CD300LF: variants seen among roughly 807,000 people sequenced by gnomAD.
CD300LF encodes the protein CMRF35-like molecule 1.
In CD300LF, 27 loss-of-function variants were observed where a neutral mutation model predicts 32.2. The observed-to-expected ratio is 0.84, with a 90% CI of 0.62 to 1.15. The LOEUF (loss-of-function observed/expected upper bound fraction) is 1.15. CD300LF is among the 50% of genes most tolerant of loss of function. The pLI is 0.00. For synonymous variants in CD300LF, 139 were observed against 143.2 expected (o/e 0.97, Z 0.21); for missense variants, 348 against 356.8 (o/e 0.98, Z 0.20).
At chr17:74,695,326 G>A (rs2032332777) in intron 6 of CD300LF, 75 bp from the exon 7 acceptor site, 2 of 1,555,456 alleles carry the variant, frequency 1.3e-6, no homozygotes, top group Admixed American at 3.6e-5. Flanking sequence ...GCCCTCGGAG[G>A]AGGATAGTGG....
intron 1 of CD300LF, among the ~76,000 whole-genome samples, chr17:74,712,600 C>T (rs2034050599): frequency 6.6e-6 from 1 of 152,190 alleles, no homozygotes; most frequent in South Asian, 2.1e-4. Context: ...ATGATCAGCC[C>T]CTGGGGGTCA....
At chr17:74,708,965 C>G (rs985467138) in intron 1 of CD300LF, among the ~76,000 whole-genome samples, 1 of 150,510 alleles carries the variant, frequency 6.6e-6, no homozygotes, top group Non-Finnish European at 1.5e-5. Flanking sequence ...TGGTTTACAC[C>G]TGCAATCCCA....
chr17:74,705,036 T>C (rs1412027235), intron 1 of CD300LF, among the ~76,000 whole-genome samples: 1 of 152,058 alleles, frequency 6.6e-6, no homozygotes, highest in Non-Finnish European at 1.5e-5. Context: ...CCCCCAAAAA[T>C]AAAAATATTG....
chr17:74,708,388 T>C (rs1032835463), intron 1 of CD300LF, among the ~76,000 whole-genome samples: 2 of 152,088 alleles, frequency 1.3e-5, no homozygotes, highest in Non-Finnish European at 2.9e-5. Flanking sequence ...TTCCAGAGCA[T>C]AGAAAAAGAA....
chr17:74,700,895 T>C (rs1207787455), intron 3 of CD300LF, among the ~76,000 whole-genome samples: 1 of 150,606 alleles, frequency 6.6e-6, no homozygotes, highest in Non-Finnish European at 1.5e-5. Flanking sequence ...TTTAAAGAGG[T>C]GATTGAGGTT....
intron 4 of CD300LF, 57 bp from the exon 5 acceptor site, chr17:74,696,274 C>A: frequency 6.4e-7 from 1 of 1,552,316 alleles, no homozygotes; most frequent in Admixed American, 2.0e-5. Context: ...CTCACAAGAA[C>A]CCCCAGGTCT....
intron 1 of CD300LF, chr17:74,705,203 C>G (rs1369842827): frequency 1.4e-6 from 1 of 702,046 alleles, no homozygotes; most frequent in East Asian, 2.7e-5. Context: ...CAGGGTCTTA[C>G]CTTGACTCTT....
rs1311894793 is a variant in CD300LF at position 74,698,493 on chromosome 17, G to A, written c.447-12C>T. 6 of 1,608,730 alleles carry A rather than the reference G, an allele frequency of 3.7e-6. No individual in the cohort carries two copies. The African/African-American group carries it at 6.7e-5, about 18-fold the overall frequency. ...TCAGGAGCTTGTGCCTAGAAACAATGGCAAGCGTCCCCTGCATCCCAGGCT... is the reference window on the plus strand; with the variant it reads ...TCAGGAGCTTGTGCCTAGAAACAATAGCAAGCGTCCCCTGCATCCCAGGCT... On this transcript the variant is annotated splice_polypyrimidine_tract_variant and intron_variant, in intron 3 of 6. Transcript: ENST00000326165.
In CD300LF at chr17:74,694,745, T is replaced by G; in HGVS notation, c.*351A>C. ...GGGGGCCATTATTCAGCCCATAACA[T>G]GTGGTAGGCAATAAATAAAGGTTCA... On this transcript the variant is annotated 3_prime_UTR_variant, in exon 7 of 7. Coordinates refer to ENST00000326165, the MANE Select transcript of CD300LF (RefSeq NM_139018.5). The G allele has an allele frequency of 3.3e-5, 6 of 182,158 alleles. No individual in the cohort carries two copies. Among genetic ancestry groups the G allele is most frequent in the Non-Finnish European group, 5.7e-5 (5 of 87,466 alleles). The allele number at this position is 182,158 out of a possible 1,614,324, so 11.3% of individuals were successfully genotyped here.
intron 4 of CD300LF, 83 bp from the exon 5 acceptor site, chr17:74,696,300 G>T (rs1345736673): frequency 6.9e-7 from 1 of 1,444,994 alleles, no homozygotes; most frequent in African/African-American, 1.4e-5. Context: ...AGAGAAATAT[G>T]GAAGAAAAGA....
chr17:74,710,720 A>G (rs1047191225), intron 1 of CD300LF, among the ~76,000 whole-genome samples: 3 of 151,404 alleles, frequency 2.0e-5, no homozygotes, highest in Non-Finnish European at 4.4e-5. Flanking sequence ...AAAAAAAAAA[A>G]TAGCCAGGCA....
chr17:74,701,627 G>A (rs1029215276), intron 3 of CD300LF, among the ~76,000 whole-genome samples: 2 of 152,148 alleles, frequency 1.3e-5, no homozygotes, highest in African/African-American at 2.4e-5. Context: ...GGAGGCTGAG[G>A]TGGGCAAATC....
chr17:74,695,626 G>A, intron 6 of CD300LF, 99 bp downstream of exon 6: 1 of 1,542,186 alleles, frequency 6.5e-7, no homozygotes. Context: ...CCTCCTCTAT[G>A]CCCACATGAG....
chr17:74,706,526 GGC>G (rs1382661499), intron 1 of CD300LF, among the ~76,000 whole-genome samples: 1 of 151,966 alleles, frequency 6.6e-6, no homozygotes, highest in Non-Finnish European at 1.5e-5. Flanking sequence ...AAATTAGCCT[GGC>G]ATGATGGCAC....
At chr17:74,705,076 A>G (rs893154939) in intron 1 of CD300LF, 1 of 632,164 alleles carries the variant, frequency 1.6e-6, no homozygotes, top group Admixed American at 2.5e-5. Context: ...CCTGCAGTTC[A>G]CCCCTCTCTC....
At chr17:74,708,744 G>GCCA (rs1567798381) in intron 1 of CD300LF, among the ~76,000 whole-genome samples, 2 of 152,042 alleles carry the variant, frequency 1.3e-5, no homozygotes, top group African/African-American at 4.8e-5. Flanking sequence ...GTGAAACCCT[G>GCCA]TCTCTACTAA....
chr17:74,698,711 G>T, intron 3 of CD300LF: 2 of 1,040,918 alleles, frequency 1.9e-6, no homozygotes, highest in South Asian at 1.9e-5. Flanking sequence ...ACTTGAGGAT[G>T]GAGGGTGGGA....
chr17:74,708,252 A>G (rs1294431994), intron 1 of CD300LF, among the ~76,000 whole-genome samples: 1 of 152,200 alleles, frequency 6.6e-6, no homozygotes, highest in Non-Finnish European at 1.5e-5. Flanking sequence ...CACAGCTATT[A>G]TATTTAAATA....
Position 74,704,834 on chromosome 17 carries a change from A to C in CD300LF, c.44-18T>G. ...GGAGTAGCCTGGAAAACACAAATTC[A>C]TGTGCTGTCACCTCCCACCCCAAGG... On this transcript the variant is annotated intron_variant, in intron 1 of 6. Coordinates refer to ENST00000326165, the MANE Select transcript of CD300LF (RefSeq NM_139018.5). The C allele has an allele frequency of 6.3e-7, 1 of 1,590,126 alleles. No individual in the cohort carries two copies.
Sources: gnomAD v4.1 joint callset for allele counts (sites outside exome capture counted in the v4.1 genomes callset) on GRCh38, gnomAD v4.1.1 for gene constraint, MANE v1.5 for transcripts, NCBI Gene and HGNC (gene_info 2026-07-23, HGNC 2026-07-21) for gene names.